The following ST6GALNAC3 variants were observed in gnomAD, a reference collection of about 807,000 sequenced individuals.
The protein encoded by ST6GALNAC3 is ST6 N-acetylgalactosaminide alpha-2,6-sialyltransferase 3.
ST6GALNAC3 carries 25 observed loss-of-function variants against 32.7 expected under a neutral mutation model. That is an observed-to-expected ratio of 0.76 (90% CI 0.56 to 1.07). The LOEUF is 1.07. Among genes scored for constraint, ST6GALNAC3 ranks in the 50% least tolerant of loss-of-function variants. The pLI is 0.00. For missense variants in ST6GALNAC3, 355 were observed against 382.4 expected, an observed-to-expected ratio of 0.93 and a Z score of 0.60; for synonymous variants, 129 against 133.1, an observed-to-expected ratio of 0.97 and a Z score of 0.21.
intron 3 of ST6GALNAC3, among the ~76,000 whole-genome samples, chr1:76,570,388 A>T (rs1665790909): frequency 6.7e-6 from 1 of 149,434 alleles, no homozygotes; most frequent in South Asian, 2.1e-4. Context: ...TTTCTCTTAG[A>T]TCTTCAGTAA....
At chr1:76,587,383 T>C (rs1646977844) in intron 3 of ST6GALNAC3, among the ~76,000 whole-genome samples, 1 of 152,158 alleles carries the variant, frequency 6.6e-6, no homozygotes, top group Non-Finnish European at 1.5e-5. Context: ...TCAGTTCTCC[T>C]CAGCGCCTGT....
At chr1:76,220,860 A>C (rs1448610996) in intron 1 of ST6GALNAC3, among the ~76,000 whole-genome samples, 2 of 152,212 alleles carry the variant, frequency 1.3e-5, no homozygotes, top group Non-Finnish European at 2.9e-5. Context: ...TGACATTTGC[A>C]CTTTCAAAAA....
At chr1:76,176,501 G>A (rs1424211171) in intron 1 of ST6GALNAC3, among the ~76,000 whole-genome samples, 6 of 152,080 alleles carry the variant, frequency 3.9e-5, no homozygotes, top group Non-Finnish European at 7.3e-5. Flanking sequence ...AAACTGATTC[G>A]GAGACTCAGT....
intron 2 of ST6GALNAC3, among the ~76,000 whole-genome samples, chr1:76,401,856 A>T (rs182654476): frequency 5.3e-5 from 8 of 152,188 alleles, no homozygotes. Flanking sequence ...TGGGCTCTGG[A>T]TTCTGATTTC....
At chr1:76,256,536 C>A (rs1403031641) in intron 1 of ST6GALNAC3, among the ~76,000 whole-genome samples, 1 of 151,728 alleles carries the variant, frequency 6.6e-6, no homozygotes, top group Non-Finnish European at 1.5e-5. Context: ...ATTGTATCAA[C>A]TGAATATAAA....
intron 3 of ST6GALNAC3, among the ~76,000 whole-genome samples, chr1:76,511,171 A>G (rs1661836337): frequency 6.6e-6 from 1 of 152,132 alleles, no homozygotes; most frequent in Admixed American, 6.6e-5. Flanking sequence ...ATCCTACACC[A>G]AAGTGATCCA....
chr1:76,512,930 A>G lies in ST6GALNAC3; in HGVS notation c.623+100513A>G, dbSNP rs142038239. ...CTGTCAAGCATTTTTTCATGTGCCT[A>G]TTGGCCATTTGTGTGTCTCACTTTT... is the stretch of plus-strand genomic sequence containing the variant. On this transcript the variant is annotated intron_variant, in intron 3 of 4. Transcript: ENST00000328299. 8.3e-4 allele frequency among the ~76,000 whole-genome samples: 126 copies of G among 151,968 alleles called. No individual in the cohort carries two copies. The Middle Eastern group carries it at 0.01, about 12-fold the overall frequency.
intron 3 of ST6GALNAC3, among the ~76,000 whole-genome samples, chr1:76,532,770 T>G (rs1006755780): frequency 6.6e-6 from 1 of 152,140 alleles, no homozygotes; most frequent in East Asian, 1.9e-4. Context: ...CATGAGTTAA[T>G]GGTATTGGGT....
chr1:76,610,802 G>T (rs2100666049), intron 3 of ST6GALNAC3, among the ~76,000 whole-genome samples: 1 of 151,970 alleles, frequency 6.6e-6, no homozygotes, highest in East Asian at 1.9e-4. Flanking sequence ...ACAATTAAGG[G>T]TTTAGGCATG....
chr1:76,634,639 C>CA (rs1252521064), downstream of ST6GALNAC3: 1 of 144,022 alleles, frequency 6.9e-6, no homozygotes, highest in African/African-American at 2.5e-5. Flanking sequence ...TACAACAGGA[C>CA]AAGTAAGGAT....
At chr1:76,530,692 T>C (rs1288223442) in intron 3 of ST6GALNAC3, among the ~76,000 whole-genome samples, 1 of 152,214 alleles carries the variant, frequency 6.6e-6, no homozygotes, top group Non-Finnish European at 1.5e-5. Flanking sequence ...GGTTTCTGTC[T>C]CTTGAAACTT....
At chr1:76,550,462 G>A (rs773096906) in intron 3 of ST6GALNAC3, among the ~76,000 whole-genome samples, 8 of 152,144 alleles carry the variant, frequency 5.3e-5, no homozygotes, top group Non-Finnish European at 1.2e-4. Flanking sequence ...ATGTATGTGT[G>A]TGTCTCTTTT....
chr1:76,305,997 G>A (rs924736762), intron 1 of ST6GALNAC3: 37 of 489,560 alleles, frequency 7.6e-5, no homozygotes, highest in Admixed American at 2.7e-4. Flanking sequence ...AACTGGTTCA[G>A]AAATTTTAAA....
intron 1 of ST6GALNAC3, among the ~76,000 whole-genome samples, chr1:76,228,117 C>T (rs1183737492): frequency 6.6e-5 from 10 of 152,154 alleles, no homozygotes; most frequent in Non-Finnish European, 1.0e-4. Flanking sequence ...CAGGAAAATA[C>T]GTCTGCTCTA....
intron 3 of ST6GALNAC3, among the ~76,000 whole-genome samples, chr1:76,519,913 C>T (rs893832053): frequency 1.3e-5 from 2 of 151,380 alleles, no homozygotes; most frequent in African/African-American, 4.8e-5. Context: ...TGCATGCATG[C>T]ACACACACTG....
At chr1:76,615,478 C>G (rs924375747) in intron 3 of ST6GALNAC3, among the ~76,000 whole-genome samples, 1 of 152,074 alleles carries the variant, frequency 6.6e-6, no homozygotes, top group Admixed American at 6.5e-5. Context: ...TCCTTGCAAC[C>G]CTTGCAGTCA....
intron 3 of ST6GALNAC3, among the ~76,000 whole-genome samples, chr1:76,452,612 A>C (rs1657490803): frequency 6.6e-6 from 1 of 152,200 alleles, no homozygotes; most frequent in South Asian, 2.1e-4. Context: ...CTATCCCTGC[A>C]TCCCTGGTAT....
At chr1:76,400,646 G>A (rs1653336984) in intron 2 of ST6GALNAC3, among the ~76,000 whole-genome samples, 2 of 152,108 alleles carry the variant, frequency 1.3e-5, no homozygotes, top group South Asian at 4.1e-4. Flanking sequence ...CAGCACTTTG[G>A]GAGGCTGAGG....
At chr1:76,221,017 T>C (rs542828903) in intron 1 of ST6GALNAC3, among the ~76,000 whole-genome samples, 29 of 152,162 alleles carry the variant, frequency 1.9e-4, no homozygotes, top group African/African-American at 6.3e-4. Flanking sequence ...CATGGCCAGA[T>C]TGGCTTTGGA....
Sources: gnomAD v4.1 joint callset for allele counts (sites outside exome capture counted in the v4.1 genomes callset) on GRCh38, gnomAD v4.1.1 for gene constraint, MANE v1.5 for transcripts, NCBI Gene and HGNC (gene_info 2026-07-23, HGNC 2026-07-21) for gene names.